Variants in SMIM14 observed in about 807,000 individuals in gnomAD.
The protein encoded by SMIM14 is small integral membrane protein 14, also known as chromosome 4 open reading frame 34.
Under a neutral mutation model 12.6 loss-of-function variants are expected in SMIM14, and 5 were observed. The ratio of observed to expected loss-of-function variants is 0.40; its 90% CI spans 0.21 to 0.83. The LOEUF is 0.83. Ranked by LOEUF, SMIM14 falls within the 40% of genes least tolerant of loss-of-function variation. The pLI is 0.37. For missense variants in SMIM14, 86 were observed against 119.1 expected, an observed-to-expected ratio of 0.72 and a Z score of 1.29; for synonymous variants, 30 against 40.1, an observed-to-expected ratio of 0.75 and a Z score of 0.95.
intron 3 of SMIM14, among the ~76,000 whole-genome samples, chr4:39,568,718 GC>G (rs951270695): frequency 1.3e-5 from 2 of 152,064 alleles, no homozygotes; most frequent in Admixed American, 6.6e-5. Context: ...TATAAAGATA[GC>G]TACAAAATAT....
In SMIM14 at chr4:39,576,660, G is replaced by GTGTGTATATATA. The variant is rs1339477098; in HGVS notation, c.76-4198_76-4197insTATATATACACA. On this transcript the variant is annotated intron_variant, in intron 2 of 4. Coordinates refer to ENST00000295958, the MANE Select transcript of SMIM14 (RefSeq NM_174921.3). ...CTTATACCTATGTGTGTGTGTATGT[G>GTGTGTATATATA]TATATATATATATATATATATATAT... Among the ~76,000 whole-genome samples, 8 of 72,376 alleles carry GTGTGTATATATA rather than the reference G, an allele frequency of 1.1e-4. No individual in the cohort carries two copies. In the East Asian group the frequency reaches 3.2e-3, roughly 29 times the overall value. 47.5% of individuals were successfully genotyped at this position (72,376 alleles called of 152,430 possible).
At chr4:39,611,694 T>C (rs1715041137) in intron 1 of SMIM14, among the ~76,000 whole-genome samples, 2 of 152,086 alleles carry the variant, frequency 1.3e-5, no homozygotes, top group Admixed American at 1.3e-4. Context: ...CCTGGTTAAT[T>C]TGAATATTCA....
chr4:39,590,274 G>T (rs1012642550), intron 2 of SMIM14, among the ~76,000 whole-genome samples: 3 of 151,610 alleles, frequency 2.0e-5, no homozygotes, highest in Non-Finnish European at 4.4e-5. Context: ...TTAGCTGGGC[G>T]TGGTGGCGCT....
intron 1 of SMIM14, among the ~76,000 whole-genome samples, chr4:39,635,962 C>A (rs898128556): frequency 3.3e-5 from 5 of 151,926 alleles, no homozygotes; most frequent in African/African-American, 1.2e-4. Context: ...CACTTGAGGT[C>A]AGGAGTTTGA....
rs1711729157 is a variant in SMIM14, at chr4:39,551,829, C to T, written c.*297G>A. The T allele has an allele frequency of 4.2e-6, 1 of 235,498 alleles. No individual in the cohort carries two copies. The highest frequency in any genetic ancestry group is 8.3e-5 in the East Asian group (1 of 12,112). The allele number at this position is 235,498 out of a possible 1,614,324, so 14.6% of individuals were successfully genotyped here. A position where few individuals can be genotyped will look rare whatever the true frequency, so the allele number is the denominator to read the frequency against. On this transcript the variant is annotated 3_prime_UTR_variant, in exon 5 of 5. Coordinates refer to ENST00000295958, the MANE Select transcript of SMIM14 (RefSeq NM_174921.3). ...CAGAAATTATCACAAAAATTATAAT[C>T]ACAGTTACAAACAGAATGAGTGGAA... is the stretch of plus-strand genomic sequence containing the variant.
At chr4:39,609,501 G>A (rs1485727669) in intron 1 of SMIM14, among the ~76,000 whole-genome samples, 1 of 152,042 alleles carries the variant, frequency 6.6e-6, no homozygotes, top group Non-Finnish European at 1.5e-5. Context: ...GGGGGTTGAG[G>A]GCATTCTAGA....
rs36049094 is a variant in SMIM14, at chr4:39,577,430, CTT to C, written c.76-4969_76-4968del. Reference sequence around the variant, plus strand: ...CTGGGCAGACAGGAGCCCTTTCAGCCTTTTTTTTTTTTTTTGAGACGGAGTCT... The same window carrying C: ...CTGGGCAGACAGGAGCCCTTTCAGCCTTTTTTTTTTTTTGAGACGGAGTCT... On this transcript the variant is annotated intron_variant, in intron 2 of 4. Coordinates refer to ENST00000295958, the MANE Select transcript of SMIM14 (RefSeq NM_174921.3). 1.6e-3 allele frequency among the ~76,000 whole-genome samples: 225 copies of C among 136,838 alleles called. 1 individual carries two copies. The highest frequency in any genetic ancestry group is 2.3e-3 in the Admixed American group (31 of 13,684). 89.8% of individuals were successfully genotyped at this position (136,838 alleles called of 152,430 possible). A position where few individuals can be genotyped will look rare whatever the true frequency, so the allele number is the denominator to read the frequency against.
chr4:39,587,549 C>T (rs545056428), intron 2 of SMIM14, among the ~76,000 whole-genome samples: 1 of 149,294 alleles, frequency 6.7e-6, no homozygotes, highest in African/African-American at 2.5e-5. Flanking sequence ...TCTATACTTT[C>T]CAAAAACAGC....
intron 2 of SMIM14, among the ~76,000 whole-genome samples, chr4:39,596,328 C>G (rs1714361120): frequency 6.6e-6 from 1 of 152,186 alleles, no homozygotes; most frequent in African/African-American, 2.4e-5. Flanking sequence ...CTCCCGACCT[C>G]AGGTGATCCA....
chr4:39,599,274 C>T (rs549648323), intron 2 of SMIM14, among the ~76,000 whole-genome samples: 1 of 152,124 alleles, frequency 6.6e-6, no homozygotes, highest in African/African-American at 2.4e-5. Context: ...ACAAAGTGGG[C>T]AAAGGAGAAG....
intron 2 of SMIM14, among the ~76,000 whole-genome samples, chr4:39,579,019 C>A (rs1304452589): frequency 6.8e-6 from 1 of 146,158 alleles, no homozygotes; most frequent in Non-Finnish European, 1.5e-5. Context: ...GCAGAGACTG[C>A]ATAATATGAG....
At chr4:39,604,200 T>G (rs936686825) in intron 2 of SMIM14, among the ~76,000 whole-genome samples, 1 of 152,110 alleles carries the variant, frequency 6.6e-6, no homozygotes, top group Non-Finnish European at 1.5e-5. Context: ...ATATGTGTTA[T>G]CTACCCATGA....
At chr4:39,601,873 G>A (rs1002069131) in intron 2 of SMIM14, among the ~76,000 whole-genome samples, 9 of 151,158 alleles carry the variant, frequency 6.0e-5, no homozygotes, top group Non-Finnish European at 1.2e-4. Flanking sequence ...CTTGAGCCCA[G>A]GAGTTCAAGG....
intron 2 of SMIM14, among the ~76,000 whole-genome samples, chr4:39,598,184 G>A (rs1238307087): frequency 6.6e-6 from 1 of 152,124 alleles, no homozygotes; most frequent in Non-Finnish European, 1.5e-5. Context: ...TGCATAGAAG[G>A]GAAAAGAGGC....
In SMIM14 at chr4:39,576,684, A is replaced by ATTTT. The variant is rs574142564; in HGVS notation, c.76-4225_76-4222dup. ...TGTATATATATATATATATATATAT[A>ATTTT]TTTTTTTTTTTTTTTTTTTTTTTTT... On this transcript the variant is annotated intron_variant, in intron 2 of 4. Transcript: ENST00000295958. Among the ~76,000 whole-genome samples, 5 of 25,552 alleles carry ATTTT rather than the reference A, an allele frequency of 2.0e-4. 1 individual carries two copies. The highest frequency in any genetic ancestry group is 3.3e-4 in the Non-Finnish European group (5 of 14,948). The allele number at this position is 25,552 out of a possible 152,430, so 16.8% of individuals were successfully genotyped here.
intron 2 of SMIM14, among the ~76,000 whole-genome samples, chr4:39,586,167 CT>C (rs1303167165): frequency 4.6e-5 from 7 of 152,026 alleles, no homozygotes; most frequent in African/African-American, 1.7e-4. Flanking sequence ...TGTGAACTTT[CT>C]TACTTTTTGT....
At chr4:39,632,278 A>G (rs2101274) in intron 1 of SMIM14, among the ~76,000 whole-genome samples, 74,887 of 151,454 alleles carry the variant, frequency 0.49, 18,693 homozygotes, top group East Asian at 0.58. Flanking sequence ...TCAAGAGATC[A>G]AGACCATCCT....
intron 1 of SMIM14, among the ~76,000 whole-genome samples, chr4:39,636,557 G>T (rs986180654): frequency 2.0e-5 from 3 of 152,150 alleles, no homozygotes; most frequent in Admixed American, 2.0e-4. Flanking sequence ...ACTCCAGTGG[G>T]CTGGACCTGG....
chr4:39,629,052 A>C (rs974336477), intron 1 of SMIM14, among the ~76,000 whole-genome samples: 1 of 151,782 alleles, frequency 6.6e-6, no homozygotes, highest in African/African-American at 2.4e-5. Flanking sequence ...TTTTCCATAA[A>C]TCAGAAACAG....
Sources: allele counts gnomAD v4.1 joint callset (sites outside exome capture counted in the v4.1 genomes callset), GRCh38; gene constraint gnomAD v4.1.1; transcripts MANE v1.5; gene names NCBI Gene and HGNC (gene_info 2026-07-23, HGNC 2026-07-21).